SKA3: variants seen among roughly 807,000 people sequenced by gnomAD.
SKA3 encodes spindle and kinetochore associated complex subunit 3.
SKA3 carries 39 observed loss-of-function variants against 44.2 expected under a neutral mutation model. The ratio of observed to expected loss-of-function variants is 0.88; its 90% CI spans 0.68 to 1.15. The LOEUF (loss-of-function observed/expected upper bound fraction) is 1.15. Among genes scored for constraint, SKA3 ranks in the 50% most tolerant of loss-of-function variants. The pLI, the probability that SKA3 is intolerant of heterozygous loss-of-function variation, is 0.00. For missense variants in SKA3, 511 were observed against 485.8 expected (o/e 1.05, Z -0.49); for synonymous variants, 192 against 172.0 (o/e 1.12, Z -0.91).
intron 4 of SKA3, 140 bp downstream of exon 4, chr13:21,167,848 A>G (rs1162211497): frequency 1.4e-5 from 9 of 624,680 alleles, no homozygotes; most frequent in Non-Finnish European, 2.2e-5. Context: ...AACCTATTGA[A>G]ATAAAATAAA....
At chr13:21,156,886 C>CAGT in intron 7 of SKA3, among the ~76,000 whole-genome samples, 1 of 15,722 alleles carries the variant, frequency 6.4e-5, no homozygotes, top group Non-Finnish European at 1.5e-4. Flanking sequence ...AGGTGAAACC[C>CAGT]TGTCTCTACT....
intron 4 of SKA3, among the ~76,000 whole-genome samples, chr13:21,163,772 TTTTTG>T (rs1208336378): frequency 2.6e-5 from 4 of 152,192 alleles, no homozygotes; most frequent in Admixed American, 2.6e-4. Context: ...TTCTGGGGTT[TTTTTG>T]TTTTGAGATG....
At chr13:21,162,847 G>C (rs189413664) in intron 4 of SKA3, among the ~76,000 whole-genome samples, 56 of 152,152 alleles carry the variant, frequency 3.7e-4, no homozygotes, top group Non-Finnish European at 5.3e-4. Context: ...TGGAGATCAG[G>C]CTGCGCAACA....
At chr13:21,174,513 T>C (rs960984022) in intron 1 of SKA3, among the ~76,000 whole-genome samples, 6 of 151,430 alleles carry the variant, frequency 4.0e-5, no homozygotes, top group African/African-American at 1.2e-4. Flanking sequence ...TTCTCACTCA[T>C]AGGTGGGAAT....
rs1219387142 is a variant in SKA3 at position 21,155,792 on chromosome 13, G to C, written c.1139C>G (p.Ser380Ter). The C allele has an allele frequency of 6.3e-7, 1 of 1,575,036 alleles. No homozygotes were observed. The highest frequency in any genetic ancestry group is 8.7e-7 in the Non-Finnish European group (1 of 1,152,338). Reference protein sequence around the residue: ...DILQLLSKYNSNLATPIAIKA... With the variant: ...DILQLLSKYN ...AATTGCTATTGGAGTAGCTAGGTTT[G>C]AGTTGTATTTTGATAAAAGCTAAAA... is the stretch of plus-strand genomic sequence containing the variant. Residue 380 changes from serine (S) to a stop codon, truncating the protein, a stop_gained, in exon 8 of 9, where the codon TCA becomes TGA. Coordinates refer to ENST00000314759, the MANE Select transcript of SKA3 (RefSeq NM_145061.6). LOFTEE classifies it high-confidence loss of function.
intron 4 of SKA3, among the ~76,000 whole-genome samples, chr13:21,164,705 A>AT (rs1405149051): frequency 6.6e-6 from 1 of 151,872 alleles, no homozygotes; most frequent in Admixed American, 6.6e-5. Flanking sequence ...TTCTTGGTTT[A>AT]TTTTTTGCCC....
Position 21,159,917 on chromosome 13 carries a change from C to T in SKA3, c.900G>A (p.Lys300=). The change falls in exon 6 of 9, where the codon AAG becomes AAA. Residue 300 remains lysine, a synonymous_variant. Transcript: ENST00000314759. ...GGAAAGTTACCAAAGCTATGCTGTT[C>T]TTTGTAGATGGAATTTTCAAACCAG... is the stretch of plus-strand genomic sequence containing the variant. The part of the protein sequence containing the change: ...CTPGLKIPST[K]NSIALVSTNY... 1 of 1,607,668 alleles carries T rather than the reference C, an allele frequency of 6.2e-7. No homozygotes were observed.
intron 3 of SKA3, among the ~76,000 whole-genome samples, chr13:21,169,630 T>A (rs1030329408): frequency 6.6e-6 from 1 of 152,212 alleles, no homozygotes; most frequent in African/African-American, 2.4e-5. Flanking sequence ...TGTATTTTCA[T>A]ACTTTCGCTA....
intron 4 of SKA3, among the ~76,000 whole-genome samples, chr13:21,162,903 C>G (rs549289245): frequency 6.6e-6 from 1 of 152,158 alleles, no homozygotes; most frequent in Admixed American, 6.6e-5. Context: ...ATAAAATTAG[C>G]TGGGAGTTGC....
chr13:21,155,161 TACAAATA>T lies in SKA3; in HGVS notation c.*-18_*-12del, dbSNP rs1565990321. On this transcript the variant is annotated splice_polypyrimidine_tract_variant and intron_variant, in intron 8 of 8. Coordinates refer to ENST00000314759, the MANE Select transcript of SKA3 (RefSeq NM_145061.6). ...GATCCACTGGAATTTCTGCAACAGA[TACAAATA>T]ACAAATATCAATTTAATAAAATTAA... is the stretch of plus-strand genomic sequence containing the variant. 2 of 1,608,886 alleles carry T rather than the reference TACAAATA, an allele frequency of 1.2e-6. No individual in the cohort carries two copies. Among genetic ancestry groups the T allele is most frequent in the South Asian group, 1.1e-5 (1 of 90,570 alleles).
chr13:21,169,037 T>C (rs1376919175), intron 3 of SKA3, among the ~76,000 whole-genome samples: 2 of 151,910 alleles, frequency 1.3e-5, no homozygotes, highest in East Asian at 3.9e-4. Flanking sequence ...TTTTTTTTTT[T>C]TCTTTCTCAG....
intron 1 of SKA3, among the ~76,000 whole-genome samples, chr13:21,175,048 G>A (rs796242645): frequency 9.1e-4 from 138 of 151,294 alleles, no homozygotes; most frequent in African/African-American, 3.3e-3. Context: ...GCGATCTCGG[G>A]TCACTGCAAC....
Position 21,174,510 on chromosome 13 carries a change from TCATA to T in SKA3, c.104-1833_104-1830del, listed in dbSNP as rs1871312565. ...AAAACCAAACACCGCATGTTCTCAC[TCATA>T]GGTGGGAATTGAACAATGAGAACAC... On this transcript the variant is annotated intron_variant, in intron 1 of 8. Coordinates refer to ENST00000314759, the MANE Select transcript of SKA3 (RefSeq NM_145061.6). Among the ~76,000 whole-genome samples the T allele has an allele frequency of 2.0e-5, 3 of 151,608 alleles. No homozygotes were observed. In the South Asian group the frequency reaches 6.2e-4, roughly 32 times the overall value.
intron 7 of SKA3, among the ~76,000 whole-genome samples, chr13:21,156,013 C>T (rs1870099106): frequency 1.3e-5 from 2 of 151,930 alleles, no homozygotes; most frequent in Non-Finnish European, 2.9e-5. Context: ...CAGGTAAAAC[C>T]TCGTCTCTAC....
At chr13:21,175,443 AT>A (rs1482850457) in intron 1 of SKA3, among the ~76,000 whole-genome samples, 1 of 151,036 alleles carries the variant, frequency 6.6e-6, no homozygotes, top group Non-Finnish European at 1.5e-5. Flanking sequence ...CGCCCGGCTA[AT>A]TTTTTGTATT....
chr13:21,160,066 A>C (rs1411694828), intron 5 of SKA3, 79 bp from the exon 6 acceptor site: 3 of 875,548 alleles, frequency 3.4e-6, no homozygotes, highest in Non-Finnish European at 4.8e-6. Flanking sequence ...TCTCATATTT[A>C]CATATGTAAT....
intron 6 of SKA3, 97 bp from the exon 7 acceptor site, chr13:21,158,222 T>C (rs574304343): frequency 3.4e-4 from 212 of 624,360 alleles, no homozygotes; most frequent in Non-Finnish European, 4.5e-4. Flanking sequence ...GGGTCTCTAA[T>C]AGGCTCCCAT....
intron 8 of SKA3, 32 bp from the exon 9 acceptor site, chr13:21,155,182 T>C (rs1421354385): frequency 6.3e-6 from 10 of 1,584,918 alleles, no homozygotes; most frequent in Non-Finnish European, 8.6e-6. Flanking sequence ...AATATCAATT[T>C]AATAAAATTA....
chr13:21,158,155 TG>T, intron 6 of SKA3, 30 bp from the exon 7 acceptor site: 3 of 1,378,132 alleles, frequency 2.2e-6, no homozygotes, highest in Non-Finnish European at 3.1e-6. Flanking sequence ...CATTAAATTA[TG>T]GTAATATAAC....
Sources: allele counts gnomAD v4.1 joint callset (sites outside exome capture counted in the v4.1 genomes callset), GRCh38; gene constraint gnomAD v4.1.1; transcripts MANE v1.5; gene names NCBI Gene and HGNC (gene_info 2026-07-23, HGNC 2026-07-21).